CD300LF: variants seen among roughly 807,000 people sequenced by gnomAD.
CD300LF encodes CMRF35-like molecule 1.
CD300LF carries 27 observed loss-of-function variants against 32.2 expected under a neutral mutation model. That is an observed-to-expected ratio of 0.84 (90% confidence interval 0.62 to 1.15). CD300LF has a LOEUF of 1.15. Among genes scored for constraint, CD300LF ranks in the 50% most tolerant of loss-of-function variants. The probability of loss-of-function intolerance (pLI) is 0.00; values close to 1 mark genes in which losing one functional copy is unlikely to be tolerated. For missense variants in CD300LF, 348 were observed against 356.8 expected (o/e 0.98, Z 0.20); for synonymous variants, 139 against 143.2 (o/e 0.97, Z 0.21).
chr17:74,695,142 C>G lies in CD300LF; in HGVS notation c.827G>C (p.Arg276Thr), dbSNP rs1451874455. 12 of 1,614,056 alleles carry G rather than the reference C, an allele frequency of 7.4e-6. No individual in the cohort carries two copies. Among genetic ancestry groups the G allele is most frequent in the Middle Eastern group, 1.6e-4 (1 of 6,084 alleles). ...MGHLSSHLPG[R>T]GPEEPTEYST... ...GTATTCCGTGGGCTCCTCAGGGCCC[C>G]TGCCGGGGAGGTGGCTACTGAGGTG... is the stretch of plus-strand genomic sequence containing the variant. The change falls in exon 7 of 7, where the codon AGG becomes ACG. Residue 276 changes from arginine (R) to threonine (T), a missense_variant. Coordinates refer to ENST00000326165, the MANE Select transcript of CD300LF (RefSeq NM_139018.5).
At position 74,695,795 on chromosome 17, in the gene CD300LF, G is replaced by C. The variant is rs2032402298; in HGVS notation, c.647C>G (p.Ser216Cys). The C allele has an allele frequency of 6.2e-7, 1 of 1,614,060 alleles. No individual in the cohort carries two copies. The highest frequency in any genetic ancestry group is 1.3e-5 in the African/African-American group (1 of 74,940). Reference sequence around the variant, plus strand: ...AAGCTTCGTGGTAGCCTTTTGCGGGGAGGTTCCGGCCAGCTGCAGGGTCAG... The same window carrying C: ...AAGCTTCGTGGTAGCCTTTTGCGGGCAGGTTCCGGCCAGCTGCAGGGTCAG... ...ADLTLQLAGTSPQKATTKLSS... is the reference protein window; with the variant it reads ...ADLTLQLAGTCPQKATTKLSS... Residue 216 changes from serine (S) to cysteine (C), a missense_variant, in exon 6 of 7, where the codon TCC becomes TGC. Ser to Cys is a moderately radical substitution (Grantham distance 112, BLOSUM62 -1). Transcript: ENST00000326165.
At chr17:74,698,274 T>G in intron 4 of CD300LF, 95 bp downstream of exon 4, 1 of 892,068 alleles carries the variant, frequency 1.1e-6, no homozygotes, top group Non-Finnish European at 1.8e-6. Flanking sequence ...CATTTCCTGA[T>G]TGTGTGGGTA....
At chr17:74,704,861 C>A in intron 1 of CD300LF, 45 bp from the exon 2 acceptor site, 1 of 1,463,610 alleles carries the variant, frequency 6.8e-7, no homozygotes. Context: ...ACCCCAAGGG[C>A]AGGGCCACAG....
At chr17:74,712,575 G>A (rs796330763) in intron 1 of CD300LF, among the ~76,000 whole-genome samples, 10 of 152,344 alleles carry the variant, frequency 6.6e-5, no homozygotes, top group African/African-American at 2.4e-4. Flanking sequence ...GGGGCCTACA[G>A]TCTGTCCATT....
At chr17:74,705,330 A>G in intron 1 of CD300LF, 1 of 679,104 alleles carries the variant, frequency 1.5e-6, no homozygotes. Context: ...CCCTGGATGA[A>G]TGCCTTTGAA....
intron 1 of CD300LF, among the ~76,000 whole-genome samples, chr17:74,709,989 G>GT (rs1039842603): frequency 6.6e-6 from 1 of 151,762 alleles, no homozygotes; most frequent in Admixed American, 6.6e-5. Context: ...TTGTTTGTTT[G>GT]TTTTTTTGAG....
rs34303409 is a variant in CD300LF, at chr17:74,695,124, G to A, written c.845C>T (p.Thr282Met). 2.5e-5 allele frequency: 40 copies of A among 1,614,044 alleles called. No individual in the cohort carries two copies. The highest frequency in any genetic ancestry group is 1.6e-4 in the Middle Eastern group (1 of 6,062). The change falls in exon 7 of 7, where the codon ACG (threonine) becomes ATG (methionine). Residue 282 changes from threonine to methionine, a missense_variant. Thr to Met is a moderately conservative substitution (Grantham distance 81). Transcript: ENST00000326165. ...AGGCCTGCTGATGGTGCTGTATTCCGTGGGCTCCTCAGGGCCCCTGCCGGG... is the reference window on the plus strand; with the variant it reads ...AGGCCTGCTGATGGTGCTGTATTCCATGGGCTCCTCAGGGCCCCTGCCGGG... ...HLPGRGPEEP[T>M]EYSTISRP
intron 5 of CD300LF, among the ~76,000 whole-genome samples, 161 bp from the exon 6 acceptor site, chr17:74,696,020 C>A (rs1002534356): frequency 6.6e-6 from 1 of 152,184 alleles, no homozygotes. Flanking sequence ...CCCCTCAGCC[C>A]TTGTCCCCCT....
At chr17:74,697,464 A>G (rs1340878947) in intron 4 of CD300LF, among the ~76,000 whole-genome samples, 1 of 152,228 alleles carries the variant, frequency 6.6e-6, no homozygotes, top group African/African-American at 2.4e-5. Context: ...AGCGATGAAT[A>G]AAAGTCAGGC....
At chr17:74,707,699 A>T (rs2033626807) in intron 1 of CD300LF, among the ~76,000 whole-genome samples, 1 of 151,196 alleles carries the variant, frequency 6.6e-6, no homozygotes, top group South Asian at 2.1e-4. Context: ...CGAGCAACAG[A>T]GTGAGACTCC....
chr17:74,703,235 G>T, intron 2 of CD300LF, 137 bp from the exon 3 acceptor site: 2 of 1,067,828 alleles, frequency 1.9e-6, no homozygotes, highest in Non-Finnish European at 2.8e-6. Context: ...AGCCTGGGCG[G>T]GGGTCTGGAC....
At position 74,694,872 on chromosome 17, in the gene CD300LF, T is replaced by G. The variant is rs1380988643; in HGVS notation, c.*224A>C. 4.3e-6 allele frequency: 2 copies of G among 462,990 alleles called. No individual in the cohort carries two copies. Among genetic ancestry groups the G allele is most frequent in the African/African-American group, 3.9e-5 (2 of 50,680 alleles). The allele number at this position is 462,990 out of a possible 1,614,324, so 28.7% of individuals were successfully genotyped here. A position where few individuals can be genotyped will look rare whatever the true frequency, so the allele number is the denominator to read the frequency against. On this transcript the variant is annotated 3_prime_UTR_variant, in exon 7 of 7. Coordinates refer to ENST00000326165, the MANE Select transcript of CD300LF (RefSeq NM_139018.5). ...GCCCCAGAGCATATCCCTAGCCCCCTCCTCAACTATGTAGGAGAGGAGGGG... is the reference window on the plus strand; with the variant it reads ...GCCCCAGAGCATATCCCTAGCCCCCGCCTCAACTATGTAGGAGAGGAGGGG...
intron 3 of CD300LF, among the ~76,000 whole-genome samples, chr17:74,699,992 A>G (rs1395677149): frequency 6.6e-6 from 1 of 151,820 alleles, no homozygotes; most frequent in Non-Finnish European, 1.5e-5. Flanking sequence ...AAATACAAAA[A>G]TTAGCTGGGT....
rs1340773262 is a variant in CD300LF, at chr17:74,694,727, A to G, written c.*369T>C. 1.2e-5 allele frequency: 2 copies of G among 168,802 alleles called. No homozygotes were observed. The highest frequency in any genetic ancestry group is 1.2e-4 in the Admixed American group (2 of 16,598). The allele number at this position is 168,802 out of a possible 1,614,324, so 10.5% of individuals were successfully genotyped here. The stretch of plus-strand genomic sequence containing the variant: ...TAGGACACAGATATCTTTGGGGGCC[A>G]TTATTCAGCCCATAACATGTGGTAG... On this transcript the variant is annotated 3_prime_UTR_variant, in exon 7 of 7. Transcript: ENST00000326165.
chr17:74,695,887 TCACAAGATCTGTCTGTGGA>T, intron 5 of CD300LF, 28 bp from the exon 6 acceptor site: 1 of 1,604,282 alleles, frequency 6.2e-7, no homozygotes, highest in Non-Finnish European at 8.5e-7. Context: ...GGCTGGGGAG[TCACAAGATCTGTCTGTGGA>T]CACAGGTTCC....
chr17:74,696,302 A>T, intron 4 of CD300LF, 85 bp from the exon 5 acceptor site: 3 of 1,432,060 alleles, frequency 2.1e-6, no homozygotes, highest in Admixed American at 2.3e-5. Flanking sequence ...AGAAATATGG[A>T]AGAAAAGAGG....
At chr17:74,706,493 C>T (rs1017255192) in intron 1 of CD300LF, among the ~76,000 whole-genome samples, 2 of 151,784 alleles carry the variant, frequency 1.3e-5, no homozygotes, top group African/African-American at 4.8e-5. Context: ...CATGGAGAAA[C>T]GCCATCTCTA....
chr17:74,705,256 CA>C (rs2033414958), intron 1 of CD300LF: 2 of 702,066 alleles, frequency 2.8e-6, no homozygotes, highest in Non-Finnish European at 5.2e-6. Flanking sequence ...GCAGCCACAT[CA>C]GATGGCTGTG....
At position 74,704,542 on chromosome 17, in the gene CD300LF, G is replaced by T. The variant is rs553694245; in HGVS notation, c.318C>A (p.Tyr106Ter). The T allele has an allele frequency of 6.2e-7, 1 of 1,614,164 alleles. No homozygotes were observed. Among genetic ancestry groups the T allele is most frequent in the South Asian group, 1.1e-5 (1 of 91,084 alleles). ...EDLMKTDADTYWCGIEKTGND... is the reference protein window; with the variant it reads ...EDLMKTDADT ...TTCCAGTTTTCTCAATTCCACACCA[G>T]TAAGTGTCAGCATCAGTTTTCATGA... The change falls in exon 2 of 7, where the codon TAC becomes TAA. Residue 106 changes from tyrosine (Y) to a stop codon, truncating the protein, a stop_gained. Coordinates refer to ENST00000326165, the MANE Select transcript of CD300LF (RefSeq NM_139018.5). LOFTEE classifies it high-confidence loss of function.
Sources: gnomAD v4.1 joint callset for allele counts (sites outside exome capture counted in the v4.1 genomes callset) on GRCh38, gnomAD v4.1.1 for gene constraint, MANE v1.5 for transcripts, NCBI Gene and HGNC (gene_info 2026-07-23, HGNC 2026-07-21) for gene names.